LMTK3: variants seen among roughly 807,000 people sequenced by gnomAD.
LMTK3 encodes serine/threonine-protein kinase LMTK3.
LMTK3 carries 27 observed loss-of-function variants against 116.7 expected under a neutral mutation model. The observed-to-expected ratio is 0.23, with a 90% CI of 0.17 to 0.32. The LOEUF is 0.32. LMTK3 is among the 10% of genes least tolerant of loss of function. LMTK3 has a pLI of 1.00. For missense variants in LMTK3, 1,764 were observed against 2,068.5 expected (o/e 0.85, Z 2.86); for synonymous variants, 965 against 971.0 (o/e 0.99, Z 0.11).
intron 14 of LMTK3, 37 bp from the exon 15 acceptor site, chr19:48,485,826 C>G (rs977419558): frequency 8.2e-6 from 13 of 1,594,720 alleles, no homozygotes; most frequent in Non-Finnish European, 1.1e-5. Flanking sequence ...AATGAAATTA[C>G]TAGGGGGACA....
At chr19:48,505,860 T>TA (rs760562019) in intron 5 of LMTK3, among the ~76,000 whole-genome samples, 2,027 of 93,150 alleles carry the variant, frequency 0.022, 31 homozygotes, top group Non-Finnish European at 0.03. Context: ...AAACTCTGTC[T>TA]AAAAAAAAAA....
chr19:48,491,627 T>C lies in LMTK3; in HGVS notation c.4093-88A>G. ...CCCCAAAAGCAACAAAACCGGCTAATATTTCTGGGGCTCTAGGAATCCCAA... is the reference window on the plus strand; with the variant it reads ...CCCCAAAAGCAACAAAACCGGCTAACATTTCTGGGGCTCTAGGAATCCCAA... On this transcript the variant is annotated intron_variant, in intron 12 of 14. Transcript: ENST00000600059. The surrounding 1 kb of genome is among the most constrained non-coding windows in gnomAD (Gnocchi z 5.1). The C allele has an allele frequency of 7.7e-6, 9 of 1,161,792 alleles. No individual in the cohort carries two copies. The highest frequency in any genetic ancestry group is 9.9e-6 in the Non-Finnish European group (9 of 905,240). The allele number at this position is 1,161,792 out of a possible 1,614,324, so 72.0% of individuals were successfully genotyped here.
At position 48,500,329 on chromosome 19, in the gene LMTK3, C is replaced by A. The variant is rs1972440503; in HGVS notation, c.1152-412G>T. ...ATCCCAGCTACCTGGGAGGCTGAGGCAGGAGAACCGCTTGAACCCGGGAGG... is the reference window on the plus strand; with the variant it reads ...ATCCCAGCTACCTGGGAGGCTGAGGAAGGAGAACCGCTTGAACCCGGGAGG... On this transcript the variant is annotated intron_variant, in intron 10 of 14. Coordinates refer to ENST00000600059, the MANE Select transcript of LMTK3 (RefSeq NM_001388485.1). The surrounding 1 kb of genome is among the most constrained non-coding windows in gnomAD (Gnocchi z 4.0). Among the ~76,000 whole-genome samples, 1 of 152,130 alleles carries A rather than the reference C, an allele frequency of 6.6e-6. No homozygotes were observed. The highest frequency in any genetic ancestry group is 2.4e-5 in the African/African-American group (1 of 41,406).
intron 1 of LMTK3, 83 bp downstream of exon 1, chr19:48,511,418 C>G: frequency 1.8e-6 from 1 of 542,998 alleles, no homozygotes; most frequent in Non-Finnish European, 2.9e-6. Flanking sequence ...CGGGGCAGGA[C>G]CCGCAGACAG....
At chr19:48,485,890 G>A in intron 14 of LMTK3, 101 bp from the exon 15 acceptor site, 1 of 1,204,638 alleles carries the variant, frequency 8.3e-7, no homozygotes, top group South Asian at 1.5e-5. Context: ...ACCCACCATG[G>A]CCCAAAAGAT....
chr19:48,505,868 A>C, intron 5 of LMTK3, among the ~76,000 whole-genome samples: 1 of 148,958 alleles, frequency 6.7e-6, no homozygotes, highest in Non-Finnish European at 1.5e-5. Flanking sequence ...TCTAAAAAAA[A>C]AAAAAAAAAA....
chr19:48,485,836 A>G, intron 14 of LMTK3, 47 bp from the exon 15 acceptor site: 1 of 1,581,004 alleles, frequency 6.3e-7, no homozygotes, highest in Non-Finnish European at 8.6e-7. Flanking sequence ...CTAGGGGGAC[A>G]GCCTCATGGC....
Position 48,499,497 on chromosome 19 carries a change from C to A in LMTK3, c.1572G>T (p.Leu524=), listed in dbSNP as rs1207680930. The A allele has an allele frequency of 2.0e-6, 3 of 1,474,040 alleles. No individual in the cohort carries two copies. Among genetic ancestry groups the A allele is most frequent in the Non-Finnish European group, 9.0e-7 (1 of 1,112,542 alleles). 91.3% of individuals were successfully genotyped at this position (1,474,040 alleles called of 1,614,324 possible). A position where few individuals can be genotyped will look rare whatever the true frequency, so the allele number is the denominator to read the frequency against. ...FYEALSTPSV[L]PVISARSPSV... is the part of the protein sequence containing the mutation. ...AGGGGCTGCGGGCGCTGATGACAGG[C>A]AGCACGCTGGGCGTGGACAGCGCCT... Residue 524 remains leucine, a synonymous_variant, in exon 11 of 15, where the codon CTG becomes CTT. Transcript: ENST00000600059.
chr19:48,508,752 C>T (rs1463636464), intron 5 of LMTK3, 99 bp downstream of exon 5: 4 of 943,888 alleles, frequency 4.2e-6, no homozygotes, highest in Non-Finnish European at 6.9e-6. Context: ...AGCTGCACAA[C>T]CGGAAGAGGT....
Position 48,499,813 on chromosome 19 carries a change from G to A in LMTK3, c.1256C>T (p.Pro419Leu), listed in dbSNP as rs774576658. 1.3e-6 allele frequency: 2 copies of A among 1,555,890 alleles called. No homozygotes were observed. The highest frequency in any genetic ancestry group is 8.7e-7 in the Non-Finnish European group (1 of 1,151,500). ...TYLLSERPPR[P>L]PPPPPPPRDG... Reference sequence around the variant, plus strand: ...TCGGGGTGGGGGTGGCGGCGGTGGGGGCCGGGGAGGCCGCTCGGAGAGCAA... The same window carrying A: ...TCGGGGTGGGGGTGGCGGCGGTGGGAGCCGGGGAGGCCGCTCGGAGAGCAA... Residue 419 changes from proline to leucine, a missense_variant, in exon 11 of 15, where the codon CCC becomes CTC. Physicochemically the swap from Pro to Leu is moderately conservative, Grantham distance 98 (BLOSUM62 -3). Coordinates refer to ENST00000600059, the MANE Select transcript of LMTK3 (RefSeq NM_001388485.1).
Position 48,494,504 on chromosome 19 carries a change from T to C in LMTK3, c.3677-395A>G, listed in dbSNP as rs1168383295. Among the ~76,000 whole-genome samples, 1 of 152,184 alleles carries C rather than the reference T, an allele frequency of 6.6e-6. No homozygotes were observed. Among genetic ancestry groups the C allele is most frequent in the Non-Finnish European group, 1.5e-5 (1 of 68,038 alleles). On this transcript the variant is annotated intron_variant, in intron 11 of 14. Coordinates refer to ENST00000600059, the MANE Select transcript of LMTK3 (RefSeq NM_001388485.1). The surrounding 1 kb of genome is among the most constrained non-coding windows in gnomAD (Gnocchi z 4.0). ...GCCACCATGCCCGGCTAATTTTTTG[T>C]ATTTTTAGTAGAGACGGGGTTTCAC...
At position 48,497,327 on chromosome 19, in the gene LMTK3, C is replaced by G. The variant is rs1018643510; in HGVS notation, c.3676+66G>C. On this transcript the variant is annotated intron_variant, in intron 11 of 14. Transcript: ENST00000600059. The surrounding 1 kb of genome is among the most constrained non-coding windows in gnomAD (Gnocchi z 5.7). ...GCCCGACCCGACATGTTTACCCACA[C>G]TCACCCTCCGCACGCCTCGGAAACA... is the stretch of plus-strand genomic sequence containing the variant. The G allele has an allele frequency of 1.9e-5, 26 of 1,391,506 alleles. No homozygotes were observed. The East Asian group carries it at 4.2e-4, about 22-fold the overall frequency. The allele number at this position is 1,391,506 out of a possible 1,614,324, so 86.2% of individuals were successfully genotyped here. A position where few individuals can be genotyped will look rare whatever the true frequency, so the allele number is the denominator to read the frequency against.
chr19:48,491,321 A>G lies in LMTK3; in HGVS notation c.4229-76T>C, dbSNP rs1347082354. On this transcript the variant is annotated intron_variant, in intron 13 of 14. Transcript: ENST00000600059. The surrounding 1 kb of genome is among the most constrained non-coding windows in gnomAD (Gnocchi z 5.1). ...CCGCCCTCTGGTCCCGCCCCTCCCG[A>G]CCAAGCCCCTCCCACCCCATAGACC... 3.4e-6 allele frequency: 4 copies of G among 1,173,526 alleles called. No homozygotes were observed. The highest frequency in any genetic ancestry group is 3.2e-4 in the Middle Eastern group (1 of 3,162). 72.7% of individuals were successfully genotyped at this position (1,173,526 alleles called of 1,614,324 possible).
chr19:48,497,699 C>T lies in LMTK3; in HGVS notation c.3370G>A (p.Gly1124Ser). 11 of 1,318,670 alleles carry T rather than the reference C, an allele frequency of 8.3e-6. No homozygotes were observed. Among genetic ancestry groups the T allele is most frequent in the Non-Finnish European group, 1.1e-5 (11 of 1,038,364 alleles). The allele number at this position is 1,318,670 out of a possible 1,614,324, so 81.7% of individuals were successfully genotyped here. ...RAPVGTGTAPGGGPGSGVDAK... is the reference protein window; with the variant it reads ...RAPVGTGTAPSGGPGSGVDAK... ...TCCACGCCGCTTCCGGGGCCGCCGCCGGGGGCCGTCCCCGTGCCCACTGGG... is the reference window on the plus strand; with the variant it reads ...TCCACGCCGCTTCCGGGGCCGCCGCTGGGGGCCGTCCCCGTGCCCACTGGG... Residue 1124 changes from glycine to serine, a missense_variant, in exon 11 of 15, where the codon GGC (glycine) becomes AGC (serine). This residue lies in a region of LMTK3 where 1,028 missense variants were observed against 1,050.6 expected (regional missense o/e 0.98). Coordinates refer to ENST00000600059, the MANE Select transcript of LMTK3 (RefSeq NM_001388485.1). This position sits in a 1 kb window ranked among gnomAD's most constrained non-coding sequence, Gnocchi z 5.7.
At chr19:48,505,631 A>C (rs1697912496) in intron 5 of LMTK3, among the ~76,000 whole-genome samples, 1 of 151,360 alleles carries the variant, frequency 6.6e-6, no homozygotes, top group African/African-American at 2.4e-5. Context: ...GGAGGCCGAG[A>C]TGGGTGGATC....
At chr19:48,492,522 A>G (rs1477549718) in intron 12 of LMTK3, among the ~76,000 whole-genome samples, 2 of 151,958 alleles carry the variant, frequency 1.3e-5, no homozygotes, top group Non-Finnish European at 2.9e-5. Context: ...CATCTCTCTA[A>G]AGACCCGTCC....
At chr19:48,510,197 G>T in intron 2 of LMTK3, 24 bp from the exon 3 acceptor site, 1 of 1,603,970 alleles carries the variant, frequency 6.2e-7, no homozygotes, top group South Asian at 1.1e-5. Flanking sequence ...AGGAGAAGAG[G>T]GGTGGGAGAA....
At position 48,485,381 on chromosome 19, in the gene LMTK3, G is replaced by A. The variant is rs1601035662; in HGVS notation, c.*392C>T. ...GGCTGGGGAGGGAAAGGGGAGACGC[G>A]AAATGGGGGGTCCGGGTCCCCGAAG... On this transcript the variant is annotated 3_prime_UTR_variant, in exon 15 of 15. Coordinates refer to ENST00000600059, the MANE Select transcript of LMTK3 (RefSeq NM_001388485.1). 2 of 186,754 alleles carry A rather than the reference G, an allele frequency of 1.1e-5. No individual in the cohort carries two copies. Among genetic ancestry groups the A allele is most frequent in the South Asian group, 1.4e-4 (1 of 6,962 alleles). 11.6% of individuals were successfully genotyped at this position (186,754 alleles called of 1,614,324 possible). A position where few individuals can be genotyped will look rare whatever the true frequency, so the allele number is the denominator to read the frequency against.
chr19:48,497,297 T>C lies in LMTK3; in HGVS notation c.3676+96A>G. 7.6e-7 allele frequency: 1 copy of C among 1,317,858 alleles called. No individual in the cohort carries two copies. The highest frequency in any genetic ancestry group is 9.8e-7 in the Non-Finnish European group (1 of 1,016,586). The allele number at this position is 1,317,858 out of a possible 1,614,324, so 81.6% of individuals were successfully genotyped here. On this transcript the variant is annotated intron_variant, in intron 11 of 14. Coordinates refer to ENST00000600059, the MANE Select transcript of LMTK3 (RefSeq NM_001388485.1). The surrounding 1 kb of genome is among the most constrained non-coding windows in gnomAD (Gnocchi z 5.7). ...AGGCTTCAGGACCTGCATTCATCAC[T>C]GCCAGCCCGACCCGACATGTTTACC... is the stretch of plus-strand genomic sequence containing the variant.
Sources: allele counts gnomAD v4.1 joint callset (sites outside exome capture counted in the v4.1 genomes callset), GRCh38; gene constraint gnomAD v4.1.1; regional missense constraint gnomAD v4.1.1; non-coding constraint Gnocchi (gnomAD v3.1); transcripts MANE v1.5; gene names NCBI Gene and HGNC (gene_info 2026-07-23, HGNC 2026-07-21).